Variants in GPHN observed in about 807,000 individuals in gnomAD.
GPHN encodes the protein gephyrin.
GPHN carries 17 observed loss-of-function variants against 95.5 expected under a neutral mutation model. The observed-to-expected ratio is 0.18, with a 90% confidence interval of 0.12 to 0.27. The LOEUF (loss-of-function observed/expected upper bound fraction) is 0.27, where lower values mean the gene tolerates loss of function less well. Among genes scored for constraint, GPHN ranks in the 10% least tolerant of loss-of-function variants. The pLI is 1.00. For missense variants in GPHN, 660 were observed against 978.1 expected (o/e 0.67, Z 4.34); for synonymous variants, 320 against 322.5 (o/e 0.99, Z 0.08).
intron 2 of GPHN, among the ~76,000 whole-genome samples, chr14:66,713,805 G>T (rs902786742): frequency 2.0e-5 from 3 of 151,814 alleles, no homozygotes; most frequent in African/African-American, 7.3e-5. Flanking sequence ...GTCTCTCTCT[G>T]TTGCCCAGAC....
intron 2 of GPHN, among the ~76,000 whole-genome samples, chr14:66,693,128 G>GT (rs900215636): frequency 6.6e-6 from 1 of 151,798 alleles, no homozygotes; most frequent in South Asian, 2.1e-4. Context: ...AATATTAACA[G>GT]TTTTTTTACA....
the GPHN span, among the ~76,000 whole-genome samples, chr14:67,372,826 CA>C: frequency 2.0e-4 from 28 of 138,424 alleles, no homozygotes; most frequent in Admixed American, 2.2e-4. Context: ...GACTCCATCT[CA>C]AAAAAAAAAA....
At chr14:66,896,777 G>A (rs1334149452) in intron 5 of GPHN, among the ~76,000 whole-genome samples, 2 of 151,280 alleles carry the variant, frequency 1.3e-5, no homozygotes, top group African/African-American at 2.4e-5. Flanking sequence ...CTTAAAGTAA[G>A]ATAAGAAAGG....
At chr14:66,652,326 C>T (rs948789763) in intron 1 of GPHN, among the ~76,000 whole-genome samples, 28 of 151,816 alleles carry the variant, frequency 1.8e-4, no homozygotes, top group Admixed American at 7.2e-4. Context: ...AATTATTATT[C>T]GGTAATATTA....
chr14:67,294,198 T>G, the GPHN span, among the ~76,000 whole-genome samples: 2 of 152,188 alleles, frequency 1.3e-5, no homozygotes, highest in South Asian at 4.1e-4. Context: ...GAAAGTTTGC[T>G]TTCACGTCCT....
chr14:67,591,953 A>T, the GPHN span: 1 of 151,974 alleles, frequency 6.6e-6, no homozygotes, highest in Non-Finnish European at 1.5e-5. Context: ...ATTTAAAATA[A>T]TAAATATAAT....
the GPHN span, among the ~76,000 whole-genome samples, chr14:67,548,087 ATCATTT>A: frequency 8.2e-4 from 125 of 152,350 alleles, no homozygotes; most frequent in African/African-American, 2.8e-3. Context: ...CTTTGCTCAC[ATCATTT>A]TCCCTAGCTG....
At chr14:67,683,480 C>T in the GPHN span, among the ~76,000 whole-genome samples, 1 of 152,214 alleles carries the variant, frequency 6.6e-6, no homozygotes, top group Non-Finnish European at 1.5e-5. Context: ...CAGTGGACAA[C>T]TGTTACTCTT....
intron 1 of GPHN, among the ~76,000 whole-genome samples, chr14:66,653,448 A>G (rs113759317): frequency 0.033 from 5,081 of 152,292 alleles, 134 homozygotes; most frequent in Non-Finnish European, 0.053. Context: ...CCCTCTATCC[A>G]GTTTCCTCAA....
At chr14:67,109,197 GA>G (rs1411971525) in intron 13 of GPHN, among the ~76,000 whole-genome samples, 1 of 152,174 alleles carries the variant, frequency 6.6e-6, no homozygotes, top group African/African-American at 2.4e-5. Context: ...GTCCAACATT[GA>G]GCAAACTATC....
chr14:67,002,452 A>T (rs190152842), intron 9 of GPHN, among the ~76,000 whole-genome samples: 3 of 150,474 alleles, frequency 2.0e-5, no homozygotes, highest in Non-Finnish European at 4.5e-5. Context: ...AAACAGATTT[A>T]ATCAGCTTCT....
At chr14:66,794,331 A>C (rs1433746801) in intron 3 of GPHN, among the ~76,000 whole-genome samples, 1 of 152,086 alleles carries the variant, frequency 6.6e-6, no homozygotes, top group Non-Finnish European at 1.5e-5. Context: ...CTGGCCATGT[A>C]AGACGTGTCT....
chr14:67,387,406 C>T, the GPHN span: 1 of 1,610,544 alleles, frequency 6.2e-7, no homozygotes, highest in African/African-American at 1.3e-5. Context: ...TAGTGTGTGT[C>T]ATCCTTAGTA....
At chr14:67,107,120 A>G (rs1478595733) in intron 13 of GPHN, among the ~76,000 whole-genome samples, 2 of 152,044 alleles carry the variant, frequency 1.3e-5, no homozygotes, top group African/African-American at 2.4e-5. Context: ...AATCCATAGA[A>G]GTTTGTGTCA....
At chr14:67,375,075 AT>A in the GPHN span, among the ~76,000 whole-genome samples, 17 of 152,030 alleles carry the variant, frequency 1.1e-4, no homozygotes, top group African/African-American at 3.9e-4. Context: ...GCGTGTTAGG[AT>A]TATTTCTTTT....
At chr14:67,591,657 C>T in the GPHN span, among the ~76,000 whole-genome samples, 3 of 152,110 alleles carry the variant, frequency 2.0e-5, no homozygotes, top group Non-Finnish European at 4.4e-5. Flanking sequence ...TCAGCTTCCC[C>T]AGTAGCTGGG....
At chr14:67,716,850 C>T in the GPHN span, among the ~76,000 whole-genome samples, 1 of 149,816 alleles carries the variant, frequency 6.7e-6, no homozygotes, top group East Asian at 1.9e-4. Flanking sequence ...CACCACTGCA[C>T]TCCAGCCTGA....
At chr14:67,647,762 G>A in the GPHN span, 2 of 327,720 alleles carry the variant, frequency 6.1e-6, no homozygotes, top group Non-Finnish European at 1.1e-5. Context: ...ATTAGTATAA[G>A]AGGTTCTAAT....
intron 17 of GPHN, among the ~76,000 whole-genome samples, chr14:67,136,357 A>G (rs1214413583): frequency 1.3e-5 from 2 of 152,206 alleles, no homozygotes; most frequent in African/African-American, 4.8e-5. Context: ...TCTTCTATTA[A>G]AGTACAAAAA....
Sources: allele counts gnomAD v4.1 joint callset (sites outside exome capture counted in the v4.1 genomes callset), GRCh38; gene constraint gnomAD v4.1.1; transcripts MANE v1.5; gene names NCBI Gene and HGNC (gene_info 2026-07-23, HGNC 2026-07-21).